Variants in GPLD1 observed in about 807,000 individuals in gnomAD.
GPLD1 encodes phosphatidylinositol-glycan-specific phospholipase D.
A neutral mutation model predicts 112.6 loss-of-function variants in GPLD1; 84 were observed. The observed-to-expected ratio is 0.75, with a 90% CI of 0.63 to 0.89. GPLD1 has a LOEUF of 0.89. GPLD1 is among the 40% of genes least tolerant of loss of function. The pLI, the probability that GPLD1 is intolerant of heterozygous loss-of-function variation, is 0.00. For synonymous variants in GPLD1, 386 were observed against 403.8 expected (o/e 0.96, Z 0.53); for missense variants, 1,044 against 1,051.5 (o/e 0.99, Z 0.10).
chr6:24,477,433 G>A (rs1180291093), intron 3 of GPLD1, among the ~76,000 whole-genome samples: 2 of 151,980 alleles, frequency 1.3e-5, no homozygotes, highest in Non-Finnish European at 2.9e-5. Context: ...CAAATGAAGA[G>A]TTTTGCTGGG....
chr6:24,442,537 G>A lies in GPLD1; in HGVS notation c.2020+3009C>T, dbSNP rs544360659. 8.0e-3 allele frequency among the ~76,000 whole-genome samples: 1,120 copies of A among 140,596 alleles called. 5 individuals are homozygous for A. Among genetic ancestry groups the A allele is most frequent in the African/African-American group, 0.014 (515 of 37,016 alleles). The allele number at this position is 140,596 out of a possible 152,430, so 92.2% of individuals were successfully genotyped here. The stretch of plus-strand genomic sequence containing the variant: ...TCAGCTCACTGCAAGCTCTGGCTCC[G>A]GGATTCACGCCATTCTCCTGCCTCA... On this transcript the variant is annotated intron_variant, in intron 20 of 24. Coordinates refer to ENST00000230036, the MANE Select transcript of GPLD1 (RefSeq NM_001503.4).
chr6:24,441,068 C>T (rs1386118462), intron 20 of GPLD1, among the ~76,000 whole-genome samples: 1 of 151,876 alleles, frequency 6.6e-6, no homozygotes, highest in Non-Finnish European at 1.5e-5. Flanking sequence ...TGTGGGAGGC[C>T]GAGGCGGGCG....
chr6:24,482,431 T>C (rs942712695), intron 2 of GPLD1, among the ~76,000 whole-genome samples: 99 of 145,290 alleles, frequency 6.8e-4, no homozygotes, highest in African/African-American at 2.5e-3. Flanking sequence ...CAGGCACCGG[T>C]CACCACGCCC....
exon 1 of GPLD1, chr6:24,495,113 C>A: frequency 7.6e-7 from 1 of 1,311,064 alleles, no homozygotes; most frequent in South Asian, 2.3e-5. Flanking sequence ...GGCCTGCGCC[C>A]GGCCCGGCCC....
At chr6:24,446,116 C>A (rs533343905) in intron 18 of GPLD1, among the ~76,000 whole-genome samples, 1 of 139,118 alleles carries the variant, frequency 7.2e-6, no homozygotes, top group East Asian at 2.2e-4. Flanking sequence ...CAGTGGTGGT[C>A]CCCCCGATCC....
chr6:24,450,586 A>G (rs1489452766), intron 14 of GPLD1, among the ~76,000 whole-genome samples: 1 of 152,258 alleles, frequency 6.6e-6, no homozygotes, highest in Non-Finnish European at 1.5e-5. Context: ...TTGAATACTC[A>G]GGATGTTCTA....
chr6:24,480,039 T>C, intron 2 of GPLD1, 80 bp from the exon 3 acceptor site: 1 of 829,160 alleles, frequency 1.2e-6, no homozygotes, highest in Non-Finnish European at 2.1e-6. Flanking sequence ...TTTTCTGTGA[T>C]GAGATGCTAG....
rs1310782982 is a variant in GPLD1 at position 24,445,617 on chromosome 6, G to A, written c.1949C>T (p.Ser650Phe). 10 of 1,613,856 alleles carry A rather than the reference G, an allele frequency of 6.2e-6. No homozygotes were observed. In the South Asian group the frequency reaches 1.1e-4, roughly 18 times the overall value. ...GDKAMGKLGTSLSSGHVLMNG... is the reference protein window; with the variant it reads ...GDKAMGKLGTFLSSGHVLMNG... Reference sequence around the variant, plus strand: ...CATCAGTACGTGGCCACTGGAAAGGGAAGTACCCAGTTTCCCCATTGCCTG... The same window carrying A: ...CATCAGTACGTGGCCACTGGAAAGGAAAGTACCCAGTTTCCCCATTGCCTG... The change falls in exon 20 of 25, where the codon TCC becomes TTC. Residue 650 changes from serine to phenylalanine, a missense_variant. Coordinates refer to ENST00000230036, the MANE Select transcript of GPLD1 (RefSeq NM_001503.4).
intron 7 of GPLD1, among the ~76,000 whole-genome samples, chr6:24,468,740 G>A (rs964731766): frequency 1.3e-5 from 2 of 152,112 alleles, no homozygotes; most frequent in Non-Finnish European, 2.9e-5. Flanking sequence ...CCTGTAAGGG[G>A]ACTGAACCTG....
chr6:24,449,630 A>C (rs1019953672), intron 15 of GPLD1, among the ~76,000 whole-genome samples, 159 bp downstream of exon 15: 2 of 152,188 alleles, frequency 1.3e-5, no homozygotes, highest in African/African-American at 4.8e-5. Context: ...AGGTCACGGC[A>C]AGAACCCCAT....
chr6:24,455,418 T>C (rs1479432896), intron 13 of GPLD1, among the ~76,000 whole-genome samples: 1 of 152,220 alleles, frequency 6.6e-6, no homozygotes, highest in African/African-American at 2.4e-5. Context: ...GCCAAGGAAA[T>C]GCAATGCCCT....
intron 12 of GPLD1, among the ~76,000 whole-genome samples, chr6:24,457,832 C>T (rs559170332): frequency 1.8e-4 from 28 of 151,480 alleles, no homozygotes; most frequent in Admixed American, 4.6e-4. Flanking sequence ...GAGATCGTGC[C>T]GCTGCACGCT....
At chr6:24,472,934 C>A (rs2817257) in intron 6 of GPLD1, 1 of 238,920 alleles carries the variant, frequency 4.2e-6, no homozygotes, top group Non-Finnish European at 8.2e-6. Context: ...CGCCACCACG[C>A]CCAGCTAATT....
chr6:24,462,445 G>A (rs1763467969), intron 11 of GPLD1, among the ~76,000 whole-genome samples: 2 of 152,078 alleles, frequency 1.3e-5, no homozygotes, highest in South Asian at 2.1e-4. Flanking sequence ...ACTAACTACC[G>A]TTTAATGAGC....
chr6:24,452,159 T>A (rs114131996), intron 14 of GPLD1, among the ~76,000 whole-genome samples: 4,830 of 152,336 alleles, frequency 0.032, 98 homozygotes, highest in Non-Finnish European at 0.045. Flanking sequence ...ACTTCCTTTC[T>A]CACCCAAGTG....
intron 20 of GPLD1, among the ~76,000 whole-genome samples, chr6:24,441,929 T>C (rs988795419): frequency 9.3e-5 from 14 of 150,392 alleles, no homozygotes; most frequent in Non-Finnish European, 1.9e-4. Context: ...AATAACCTGA[T>C]GGTGACATTA....
At chr6:24,467,585 C>T (rs991994142) in intron 7 of GPLD1, among the ~76,000 whole-genome samples, 7 of 152,030 alleles carry the variant, frequency 4.6e-5, no homozygotes, top group Non-Finnish European at 8.8e-5. Context: ...CTAACTATAA[C>T]GTACAAAAAG....
Position 24,427,261 on chromosome 6 carries a change from G to A in GPLD1, c.*1771C>T, listed in dbSNP as rs191908603. 5.8e-4 allele frequency among the ~76,000 whole-genome samples: 89 copies of A among 152,218 alleles called. No individual in the cohort carries two copies. Among genetic ancestry groups the A allele is most frequent in the Non-Finnish European group, 8.7e-4 (59 of 68,010 alleles). ...GACTGACAAATGAAATCCATCCTAC[G>A]AAAAACAGCCCAGGAACAAGCGAGG... is the stretch of plus-strand genomic sequence containing the variant. On this transcript the variant is annotated 3_prime_UTR_variant, in exon 25 of 25. Transcript: ENST00000230036.
In GPLD1 at chr6:24,488,344, G is replaced by A. The variant is rs113594411; in HGVS notation, c.97+1071C>T. On this transcript the variant is annotated intron_variant, in intron 1 of 24. Transcript: ENST00000230036. ...GGAGAATGGTGTGAACCCAGGAGGC[G>A]GAGCTTGCAGTGAGCCGAGATTGCG... 1.5e-3 allele frequency among the ~76,000 whole-genome samples: 224 copies of A among 152,026 alleles called. 1 individual carries two copies. Among genetic ancestry groups the A allele is most frequent in the Non-Finnish European group, 2.8e-3 (187 of 67,978 alleles).
Sources: gnomAD v4.1 joint callset for allele counts (sites outside exome capture counted in the v4.1 genomes callset) on GRCh38, gnomAD v4.1.1 for gene constraint, MANE v1.5 for transcripts, NCBI Gene and HGNC (gene_info 2026-07-23, HGNC 2026-07-21) for gene names.